Variants in SFTPB observed in about 807,000 individuals in gnomAD.
SFTPB encodes the protein surfactant protein B.
Under a neutral mutation model 51.0 loss-of-function variants are expected in SFTPB, and 32 were observed. That is an observed-to-expected ratio of 0.63 (90% CI 0.47 to 0.84). The LOEUF is 0.84. SFTPB is among the 40% of genes least tolerant of loss of function. The probability of loss-of-function intolerance (pLI) is 0.00; values close to 1 mark genes in which losing one functional copy is unlikely to be tolerated. For missense variants in SFTPB, 431 were observed against 491.2 expected (o/e 0.88, Z 1.16); for synonymous variants, 211 against 208.5 (o/e 1.01, Z -0.10).
chr2:85,660,197 G>A lies in SFTPB; in HGVS notation c.*20-515C>T, dbSNP rs1418363827. On this transcript the variant is annotated intron_variant, in intron 10 of 10. Transcript: ENST00000519937. ...GAGTGCAGAGGCGCAATCTTGGCTC[G>A]CTGCAATCTCCGCCTCCCAGGTTCA... 4.0e-5 allele frequency among the ~76,000 whole-genome samples: 6 copies of A among 148,684 alleles called. No individual in the cohort carries two copies. In the East Asian group the frequency reaches 5.9e-4, roughly 15 times the overall value.
At position 85,663,705 on chromosome 2, in the gene SFTPB, C is replaced by T. The variant is rs3024809; in HGVS notation, c.815G>A (p.Arg272His). 1.5e-3 allele frequency: 2,409 copies of T among 1,612,566 alleles called. 34 individuals are homozygous for T. The African/African-American group carries it at 0.029, about 19-fold the overall frequency. Residue 272 changes from arginine to histidine, a missense_variant, in exon 7 of 11, where the codon CGC becomes CAC. Coordinates refer to ENST00000519937, the MANE Select transcript of SFTPB (RefSeq NM_000542.5). ...LGRMLPQLVC[R>H]LVLRCSMDDS... ...ATCCATGGAGCACCGGAGGACGAGG[C>T]GGCAGACCAGCTGGGGCAGCATGCG...
chr2:85,660,426 C>A (rs1207680935), intron 10 of SFTPB, among the ~76,000 whole-genome samples: 1 of 140,190 alleles, frequency 7.1e-6, no homozygotes, highest in African/African-American at 2.7e-5. Flanking sequence ...TGAGCCACTG[C>A]GCCCAGCAAA....
Position 85,657,376 on chromosome 2 carries a change from G to C in SFTPB, c.*2326C>G, listed in dbSNP as rs1449028897. 6.6e-6 allele frequency: 1 copy of C among 152,122 alleles called. No individual in the cohort carries two copies. The highest frequency in any genetic ancestry group is 1.5e-5 in the Non-Finnish European group (1 of 68,030). 9.4% of individuals were successfully genotyped at this position (152,122 alleles called of 1,614,324 possible). A position where few individuals can be genotyped will look rare whatever the true frequency, so the allele number is the denominator to read the frequency against. On this transcript the variant is annotated 3_prime_UTR_variant, in exon 11 of 11. Coordinates refer to ENST00000519937, the MANE Select transcript of SFTPB (RefSeq NM_000542.5). ...ATTTAAAACACCCTTTTCTCTCAGA[G>C]AGTTGGATTTTGTAATGGAAACAAT...
intron 2 of SFTPB, among the ~76,000 whole-genome samples, 177 bp downstream of exon 2, chr2:85,667,502 T>C (rs929212924): frequency 6.6e-6 from 1 of 152,156 alleles, no homozygotes; most frequent in Non-Finnish European, 1.5e-5. Context: ...ATCTATTCTA[T>C]GTCATCGTAT....
At chr2:85,666,903 CT>C (rs1443261944) in intron 3 of SFTPB, among the ~76,000 whole-genome samples, 161 bp from the exon 4 acceptor site, 1 of 152,116 alleles carries the variant, frequency 6.6e-6, no homozygotes, top group East Asian at 1.9e-4. Flanking sequence ...TGTAGGGGCC[CT>C]TCCCCTCAGG....
chr2:85,661,269 G>T, intron 10 of SFTPB, 185 bp downstream of exon 10: 1 of 520,248 alleles, frequency 1.9e-6, no homozygotes. Context: ...TCGGGGTCCG[G>T]AAAGGGTGTT....
intron 1 of SFTPB, 109 bp downstream of exon 1, chr2:85,668,007 CA>C: frequency 8.3e-7 from 1 of 1,203,264 alleles, no homozygotes; most frequent in Non-Finnish European, 1.2e-6. Flanking sequence ...CTCTGAACCC[CA>C]GCTGCCTTGT....
upstream of SFTPB, chr2:85,668,601 G>A (rs186143558): frequency 1.2e-4 from 28 of 228,494 alleles, no homozygotes; most frequent in Admixed American, 1.1e-3. Context: ...GCTCTTGAGA[G>A]CTTCCTGCCT....
chr2:85,667,055 G>A, intron 3 of SFTPB, 51 bp downstream of exon 3: 1 of 1,482,232 alleles, frequency 6.7e-7, no homozygotes, highest in Non-Finnish European at 9.4e-7. Context: ...TCCCTGCTCT[G>A]TCCCTCATCT....
intron 4 of SFTPB, 84 bp from the exon 5 acceptor site, chr2:85,665,878 A>G (rs1677560352): frequency 7.5e-7 from 1 of 1,330,804 alleles, no homozygotes; most frequent in East Asian, 2.3e-5. Flanking sequence ...CTCAGGGACC[A>G]CTGGAATGGG....
chr2:85,664,435 C>T (rs544486678), intron 6 of SFTPB, among the ~76,000 whole-genome samples: 29 of 152,250 alleles, frequency 1.9e-4, no homozygotes, highest in African/African-American at 6.7e-4. Context: ...TGTCCCATCA[C>T]CTCTCACTGC....
rs1449885517 is a variant in SFTPB at position 85,665,689 on chromosome 2, G to A, written c.499C>T (p.Pro167Ser). 1 of 1,614,220 alleles carries A rather than the reference G, an allele frequency of 6.2e-7. No individual in the cohort carries two copies. The highest frequency in any genetic ancestry group is 8.5e-7 in the Non-Finnish European group (1 of 1,180,052). ...TTGTCCAGCAGAGGGTCTGGCAGAGGGTCCCGCAGAGGTTTGGGCAGGGGG... is the reference window on the plus strand; with the variant it reads ...TTGTCCAGCAGAGGGTCTGGCAGAGAGTCCCGCAGAGGTTTGGGCAGGGGG... ...SDPLPKPLRD[P>S]LPDPLLDKLV... The change falls in exon 5 of 11, where the codon CCT (proline) becomes TCT (serine). Residue 167 changes from proline to serine, a missense_variant. Coordinates refer to ENST00000519937, the MANE Select transcript of SFTPB (RefSeq NM_000542.5).
At chr2:85,666,521 G>GTGTC in intron 4 of SFTPB, 96 bp downstream of exon 4, 3 of 1,164,432 alleles carry the variant, frequency 2.6e-6, no homozygotes, top group Non-Finnish European at 3.7e-6. Context: ...GTGTGTGTGT[G>GTGTC]TCTGGCTGGC....
chr2:85,665,253 G>T, intron 6 of SFTPB, 36 bp downstream of exon 6: 1 of 1,462,386 alleles, frequency 6.8e-7, no homozygotes, highest in Non-Finnish European at 9.6e-7. Flanking sequence ...AGGTATGCGT[G>T]TGCTCCTGGG....
chr2:85,663,723 A>G lies in SFTPB; in HGVS notation c.797T>C (p.Leu266Pro). The G allele has an allele frequency of 6.2e-7, 1 of 1,612,124 alleles. No individual in the cohort carries two copies. Among genetic ancestry groups the G allele is most frequent in the Non-Finnish European group, 8.5e-7 (1 of 1,179,420 alleles). ...ILLDTLLGRM[L>P]PQLVCRLVLR... is the part of the protein sequence containing the mutation. ...GACGAGGCGGCAGACCAGCTGGGGC[A>G]GCATGCGGCCCAGCAGCGTGTCGAG... Residue 266 changes from leucine to proline, a missense_variant, in exon 7 of 11, where the codon CTG (leucine) becomes CCG (proline). By Grantham distance (98) the Leu-to-Pro change is moderately conservative (BLOSUM62 -3). Transcript: ENST00000519937.
chr2:85,661,431 C>A, intron 10 of SFTPB, 23 bp downstream of exon 10: 1 of 1,560,142 alleles, frequency 6.4e-7, no homozygotes, highest in South Asian at 1.2e-5. Context: ...CTTACCTCCC[C>A]GCAACTGGGG....
intron 3 of SFTPB, 120 bp from the exon 4 acceptor site, chr2:85,666,862 C>T (rs1214291519): frequency 5.2e-5 from 72 of 1,375,804 alleles, no homozygotes; most frequent in Non-Finnish European, 6.7e-5. Flanking sequence ...CTGGAGTTCA[C>T]GAGTGCCAAG....
At chr2:85,661,400 C>G in intron 10 of SFTPB, 54 bp downstream of exon 10, 1 of 1,313,848 alleles carries the variant, frequency 7.6e-7, no homozygotes, top group Non-Finnish European at 1.1e-6. Context: ...CTCCCATGCC[C>G]TGATGGTCAG....
intron 8 of SFTPB, among the ~76,000 whole-genome samples, chr2:85,662,840 CAA>C (rs34015129): frequency 0.016 from 430 of 27,622 alleles, no homozygotes; most frequent in African/African-American, 0.032. Context: ...AACTCCATCT[CAA>C]AAAAAAAAAA....
Sources: gnomAD v4.1 joint callset for allele counts (sites outside exome capture counted in the v4.1 genomes callset) on GRCh38, gnomAD v4.1.1 for gene constraint, MANE v1.5 for transcripts, NCBI Gene and HGNC (gene_info 2026-07-23, HGNC 2026-07-21) for gene names.